Variants in CACNA1A observed in about 807,000 individuals in gnomAD.
The protein encoded by CACNA1A is calcium voltage-gated channel subunit alpha1 A, also known as voltage-dependent P/Q-type calcium channel subunit alpha-1A.
CACNA1A carries 57 observed loss-of-function variants against 262.4 expected under a neutral mutation model. The observed-to-expected ratio is 0.22, with a 90% CI of 0.18 to 0.27. The LOEUF (loss-of-function observed/expected upper bound fraction) is 0.27, where lower values mean the gene tolerates loss of function less well. Ranked by LOEUF, CACNA1A falls within the 10% of genes least tolerant of loss-of-function variation. CACNA1A has a pLI of 1.00. For missense variants in CACNA1A, 2,526 were observed against 3,562.8 expected (o/e 0.71, Z 7.41); for synonymous variants, 1,431 against 1,419.3 (o/e 1.01, Z -0.18).
chr19:13,228,397 A>G (rs1012663275), intron 36 of CACNA1A, among the ~76,000 whole-genome samples: 19 of 151,824 alleles, frequency 1.3e-4, no homozygotes, highest in African/African-American at 4.6e-4. Context: ...ACAATCCCCC[A>G]GGGGATGTAT....
chr19:13,424,761 C>G (rs148745018), intron 3 of CACNA1A, among the ~76,000 whole-genome samples: 1 of 152,096 alleles, frequency 6.6e-6, no homozygotes, highest in East Asian at 1.9e-4. Flanking sequence ...AGGCATAAGT[C>G]ATAGTTCTTG....
At chr19:13,441,871 A>G (rs1456837092) in intron 3 of CACNA1A, among the ~76,000 whole-genome samples, 1 of 152,088 alleles carries the variant, frequency 6.6e-6, no homozygotes, top group Admixed American at 6.6e-5. Context: ...CGAGAAAACA[A>G]GACCTCAGTC....
intron 1 of CACNA1A, among the ~76,000 whole-genome samples, chr19:13,456,290 G>C (rs547783449): frequency 6.6e-6 from 1 of 152,170 alleles, no homozygotes; most frequent in African/African-American, 2.4e-5. Flanking sequence ...GTGCATCAAA[G>C]GACGTTATCA....
intron 3 of CACNA1A, among the ~76,000 whole-genome samples, chr19:13,445,781 C>CA (rs2060799186): frequency 6.6e-6 from 1 of 152,158 alleles, no homozygotes. Flanking sequence ...ACATGCCTTA[C>CA]AAGGGTTTGA....
At position 13,335,891 on chromosome 19, in the gene CACNA1A, T is replaced by A; in HGVS notation, c.997A>T (p.Asn333Tyr). 6.2e-7 allele frequency: 1 copy of A among 1,605,792 alleles called. No homozygotes were observed. The highest frequency in any genetic ancestry group is 8.5e-7 in the Non-Finnish European group (1 of 1,175,822). Residue 333 changes from asparagine (N) to tyrosine (Y), a missense_variant, in exon 7 of 47, where the codon AAC (asparagine) becomes TAC (tyrosine). Around this residue, in one of 17 missense-constraint regions of CACNA1A, gnomAD observed 52 missense variants for 124.0 expected, o/e 0.42. Transcript: ENST00000360228. ...LLYNSNDASG[N>Y]TWNWLYFIPL... Reference sequence around the variant, plus strand: ...ATGAAGTACAACCAGTTCCAAGTGTTCCCTGAGGCATCGTTGCTCTGTAGG... The same window carrying A: ...ATGAAGTACAACCAGTTCCAAGTGTACCCTGAGGCATCGTTGCTCTGTAGG...
chr19:13,460,905 T>C (rs1214838899), intron 1 of CACNA1A, among the ~76,000 whole-genome samples: 1 of 152,120 alleles, frequency 6.6e-6, no homozygotes, highest in Non-Finnish European at 1.5e-5. Flanking sequence ...CATCTGCTAT[T>C]TTTTTCCTTC....
chr19:13,498,353 A>T (rs1421069619), intron 1 of CACNA1A, among the ~76,000 whole-genome samples: 1 of 152,150 alleles, frequency 6.6e-6, no homozygotes, highest in African/African-American at 2.4e-5. Flanking sequence ...AAAATTACAT[A>T]TATTTTTTAC....
intron 16 of CACNA1A, 57 bp from the exon 17 acceptor site, chr19:13,303,670 G>C (rs1333179158): frequency 5.1e-6 from 8 of 1,580,100 alleles, no homozygotes; most frequent in Non-Finnish European, 8.7e-7. Flanking sequence ...TTGGGCCCTG[G>C]GTATCTGGGT....
chr19:13,419,606 G>A (rs2060282202), intron 3 of CACNA1A, among the ~76,000 whole-genome samples: 1 of 152,142 alleles, frequency 6.6e-6, no homozygotes, highest in African/African-American at 2.4e-5. Context: ...GAACCCAGGT[G>A]GTCGAGGCTG....
At chr19:13,252,363 T>G (rs2056423396) in intron 30 of CACNA1A, among the ~76,000 whole-genome samples, 1 of 151,548 alleles carries the variant, frequency 6.6e-6, no homozygotes. Context: ...CATGAGCCAC[T>G]GTGCTCAGCC....
At chr19:13,424,497 G>A (rs1375636943) in intron 3 of CACNA1A, among the ~76,000 whole-genome samples, 5 of 152,106 alleles carry the variant, frequency 3.3e-5, no homozygotes, top group Non-Finnish European at 5.9e-5. Flanking sequence ...GCAGGGTCTT[G>A]ATCTGTCACC....
At chr19:13,458,316 T>C (rs557076670) in intron 1 of CACNA1A, among the ~76,000 whole-genome samples, 1 of 151,830 alleles carries the variant, frequency 6.6e-6, no homozygotes, top group Admixed American at 6.5e-5. Context: ...CACAACACCA[T>C]GTGTGCCTAA....
intron 10 of CACNA1A, among the ~76,000 whole-genome samples, chr19:13,320,048 A>G (rs1313141145): frequency 1.3e-5 from 2 of 152,118 alleles, no homozygotes; most frequent in Non-Finnish European, 2.9e-5. Context: ...CCTTTCTGCA[A>G]AGACCCTTCC....
intron 10 of CACNA1A, among the ~76,000 whole-genome samples, chr19:13,317,891 C>A (rs764690106): frequency 9.9e-5 from 15 of 152,178 alleles, no homozygotes; most frequent in Non-Finnish European, 1.8e-4. Flanking sequence ...GGCAACAGAG[C>A]CTGGACTTCC....
At chr19:13,439,221 T>G (rs1403168154) in intron 3 of CACNA1A, among the ~76,000 whole-genome samples, 27 of 141,602 alleles carry the variant, frequency 1.9e-4, no homozygotes, top group South Asian at 4.6e-4. Flanking sequence ...CCATTCTCCT[T>G]CCTCAGCCTC....
intron 3 of CACNA1A, among the ~76,000 whole-genome samples, chr19:13,410,540 CTTTTT>C (rs113290275): frequency 8.3e-6 from 1 of 120,714 alleles, no homozygotes; most frequent in Admixed American, 8.2e-5. Flanking sequence ...ATTCTTTTTT[CTTTTT>C]TTTTTTTTTT....
At chr19:13,315,808 T>C (rs2058115979) in intron 11 of CACNA1A, 1 of 152,294 alleles carries the variant, frequency 6.6e-6, no homozygotes, top group African/African-American at 2.4e-5. Context: ...AAGTCAATTC[T>C]GAACCAGGTC....
At chr19:13,335,332 G>A (rs145384240) in intron 7 of CACNA1A, among the ~76,000 whole-genome samples, 106 of 152,298 alleles carry the variant, frequency 7.0e-4, no homozygotes, top group African/African-American at 2.5e-3. Flanking sequence ...GAGATTGGAA[G>A]CCTCTGGTAA....
intron 19 of CACNA1A, among the ~76,000 whole-genome samples, chr19:13,293,834 A>AG (rs1568502400): frequency 2.0e-5 from 3 of 151,240 alleles, no homozygotes; most frequent in Admixed American, 6.6e-5. Flanking sequence ...GGAGGCCCAG[A>AG]GAGGAGTGAA....
Sources: allele counts gnomAD v4.1 joint callset (sites outside exome capture counted in the v4.1 genomes callset), GRCh38; gene constraint gnomAD v4.1.1; regional missense constraint gnomAD v4.1.1; transcripts MANE v1.5; gene names NCBI Gene and HGNC (gene_info 2026-07-23, HGNC 2026-07-21).